Variants in NUDC observed in about 807,000 individuals in gnomAD.
NUDC encodes the protein nuclear distribution C, dynein complex regulator.
In NUDC, 14 loss-of-function variants were observed where a neutral mutation model predicts 45.0. The observed-to-expected ratio is 0.31, with a 90% CI of 0.21 to 0.49. NUDC has a LOEUF of 0.49. Among genes scored for constraint, NUDC ranks in the 20% least tolerant of loss-of-function variants. The probability of loss-of-function intolerance (pLI) is 0.99; values close to 1 mark genes in which losing one functional copy is unlikely to be tolerated. For missense variants in NUDC, 323 were observed against 426.2 expected, an observed-to-expected ratio of 0.76 and a Z score of 2.13; for synonymous variants, 153 against 156.7, an observed-to-expected ratio of 0.98 and a Z score of 0.17.
rs181371720 is a variant in NUDC, at chr1:26,941,953, C to G, written c.429+135C>G. On this transcript the variant is annotated intron_variant, in intron 4 of 8. Transcript: ENST00000321265. ...CCTGGCTTTGGGAATCTTCCCCATA[C>G]TTTAAGATCACACTCAGAGACATTG... The G allele has an allele frequency of 3.5e-6, 3 of 863,376 alleles. No homozygotes were observed. The Admixed American group carries it at 6.0e-5, about 17-fold the overall frequency. The allele number at this position is 863,376 out of a possible 1,614,324, so 53.5% of individuals were successfully genotyped here.
At chr1:26,922,251 G>T in intron 1 of NUDC, 1 of 447,676 alleles carries the variant, frequency 2.2e-6, no homozygotes, top group Non-Finnish European at 4.1e-6. Context: ...AGTAAGAACC[G>T]TCGCAAATAT....
At chr1:26,939,377 A>C (rs1557679780) in intron 2 of NUDC, among the ~76,000 whole-genome samples, 2 of 151,976 alleles carry the variant, frequency 1.3e-5, no homozygotes, top group Non-Finnish European at 2.9e-5. Context: ...TTGTAATCCC[A>C]GCACTTTGGG....
chr1:26,912,917 C>T (rs1470770683), intron 3 of NUDC, among the ~76,000 whole-genome samples: 1 of 152,244 alleles, frequency 6.6e-6, no homozygotes, highest in East Asian at 1.9e-4. Flanking sequence ...TGGTCTGTCC[C>T]TACCTGGCTG....
chr1:26,943,701 CAT>C (rs1176244295), intron 6 of NUDC, among the ~76,000 whole-genome samples: 2 of 152,182 alleles, frequency 1.3e-5, no homozygotes, highest in East Asian at 3.9e-4. Flanking sequence ...GTGAACAAAA[CAT>C]AGGAAAATAT....
In NUDC at chr1:26,941,480, C is replaced by T. The variant is rs373734482; in HGVS notation, c.183C>T (p.His61=). ...AGCTTATCACACAGACTTTCAGCCACCACAATCAGCTGGCACAGAAGACCC... is the reference window on the plus strand; with the variant it reads ...AGCTTATCACACAGACTTTCAGCCATCACAATCAGCTGGCACAGAAGACCC... ...AEKLITQTFS[H]HNQLAQKTRR... The change falls in exon 3 of 9, where the codon CAC becomes CAT. Residue 61 remains histidine, a synonymous_variant. Transcript: ENST00000321265. The T allele has an allele frequency of 4.3e-6, 7 of 1,613,964 alleles. No individual in the cohort carries two copies. The African/African-American group carries it at 8.0e-5, about 18-fold the overall frequency.
upstream of NUDC, among the ~76,000 whole-genome samples, chr1:26,918,499 C>G (rs2082073356): frequency 6.6e-6 from 1 of 151,730 alleles, no homozygotes; most frequent in Non-Finnish European, 1.5e-5. Flanking sequence ...TGGTCTCGAA[C>G]TCCTGACCTC....
At position 26,941,490 on chromosome 1, in the gene NUDC, CT is replaced by C. The variant is rs1278399990; in HGVS notation, c.194del (p.Leu65ArgfsTer43). ...ITQTFSHHNQ[L>X]AQKTRREKRA... ...ACAGACTTTCAGCCACCACAATCAGCTGGCACAGAAGACCCGGCGGGAGAAG... is the reference window on the plus strand; with the variant it reads ...ACAGACTTTCAGCCACCACAATCAGCGGCACAGAAGACCCGGCGGGAGAAG... On this transcript the variant is annotated frameshift_variant, in exon 3 of 9. Transcript: ENST00000321265. LOFTEE classifies it high-confidence loss of function. 2 of 1,614,082 alleles carry C rather than the reference CT, an allele frequency of 1.2e-6. No homozygotes were observed. Among genetic ancestry groups the C allele is most frequent in the African/African-American group, 2.7e-5 (2 of 75,054 alleles).
intron 2 of NUDC, among the ~76,000 whole-genome samples, chr1:26,934,854 T>C (rs2082214436): frequency 6.6e-6 from 1 of 152,078 alleles, no homozygotes; most frequent in African/African-American, 2.4e-5. Flanking sequence ...AGACGGGGTT[T>C]CACCGTGTTA....
chr1:26,942,026 G>T (rs2082282055), intron 4 of NUDC, among the ~76,000 whole-genome samples: 1 of 152,136 alleles, frequency 6.6e-6, no homozygotes. Context: ...AGGCGCAGTG[G>T]CTCACACCTG....
At chr1:26,926,656 A>T (rs1235470690) in intron 2 of NUDC, among the ~76,000 whole-genome samples, 3 of 151,712 alleles carry the variant, frequency 2.0e-5, no homozygotes, top group Non-Finnish European at 2.9e-5. Flanking sequence ...CTGGAGTGCA[A>T]TGGCACGATC....
chr1:26,927,598 A>G (rs1001003715), intron 2 of NUDC, among the ~76,000 whole-genome samples: 5 of 151,576 alleles, frequency 3.3e-5, no homozygotes, highest in Non-Finnish European at 2.9e-5. Context: ...GGGTTTCACC[A>G]TGTTGGTCAG....
chr1:26,922,094 C>T lies in NUDC; in HGVS notation c.81+165C>T, dbSNP rs1430172264. 4.2e-6 allele frequency: 3 copies of T among 715,610 alleles called. No individual in the cohort carries two copies. In the East Asian group the frequency reaches 8.2e-5, roughly 19 times the overall value. The allele number at this position is 715,610 out of a possible 1,614,324, so 44.3% of individuals were successfully genotyped here. A position where few individuals can be genotyped will look rare whatever the true frequency, so the allele number is the denominator to read the frequency against. On this transcript the variant is annotated intron_variant, in intron 1 of 8. Transcript: ENST00000321265. ...CCGGCCTGGCCACCCGCCAGCAGGT[C>T]TCACCCGGTTCGCATCAGTCCCGGG...
intron 2 of NUDC, among the ~76,000 whole-genome samples, chr1:26,908,761 A>T (rs757173136): frequency 6.6e-6 from 1 of 151,926 alleles, no homozygotes; most frequent in Non-Finnish European, 1.5e-5. Context: ...TTATTTTTTG[A>T]GATGGAGTCT....
rs2082318152 is a variant in NUDC at position 26,946,397 on chromosome 1, C to T, written c.*216C>T. On this transcript the variant is annotated 3_prime_UTR_variant, in exon 9 of 9. Transcript: ENST00000321265. ...ACACATTAAAACGATTTGCCCAGCTCCTTCTGTGTCCTCTCTTGCCTCTGG... is the reference window on the plus strand; with the variant it reads ...ACACATTAAAACGATTTGCCCAGCTTCTTCTGTGTCCTCTCTTGCCTCTGG... The T allele has an allele frequency of 1.7e-5, 10 of 583,028 alleles. No individual in the cohort carries two copies. Among genetic ancestry groups the T allele is most frequent in the Non-Finnish European group, 2.8e-5 (9 of 323,590 alleles). 36.1% of individuals were successfully genotyped at this position (583,028 alleles called of 1,614,324 possible).
chr1:26,912,843 G>T (rs1483701568), intron 3 of NUDC, among the ~76,000 whole-genome samples: 1 of 152,180 alleles, frequency 6.6e-6, no homozygotes, highest in African/African-American at 2.4e-5. Flanking sequence ...AAAGGTCAGA[G>T]CAAATTTCTC....
upstream of NUDC, among the ~76,000 whole-genome samples, chr1:26,920,100 C>G (rs1269850496): frequency 1.3e-5 from 2 of 152,198 alleles, no homozygotes; most frequent in Non-Finnish European, 2.9e-5. Flanking sequence ...AAGGCGTCAA[C>G]TGTGTCAAAT....
chr1:26,945,146 C>G, intron 6 of NUDC: 1 of 588,824 alleles, frequency 1.7e-6, no homozygotes. Context: ...TCCCTCCACC[C>G]TGGATGAATA....
upstream of NUDC, among the ~76,000 whole-genome samples, chr1:26,919,777 G>C (rs900959506): frequency 6.6e-6 from 1 of 152,130 alleles, no homozygotes; most frequent in Non-Finnish European, 1.5e-5. Flanking sequence ...GATATCACCT[G>C]ATTCAAGGGA....
intron 2 of NUDC, among the ~76,000 whole-genome samples, chr1:26,904,486 C>T (rs1404900554): frequency 6.6e-6 from 1 of 151,998 alleles, no homozygotes; most frequent in African/African-American, 2.4e-5. Context: ...AGTCCATTGG[C>T]GCAATCATAG....
Sources: allele counts gnomAD v4.1 joint callset (sites outside exome capture counted in the v4.1 genomes callset), GRCh38; gene constraint gnomAD v4.1.1; transcripts MANE v1.5; gene names NCBI Gene and HGNC (gene_info 2026-07-23, HGNC 2026-07-21).